Variants in PARP14 observed in about 807,000 individuals in gnomAD.
PARP14 encodes poly(ADP-ribose) polymerase family member 14.
A neutral mutation model predicts 154.2 loss-of-function variants in PARP14; 59 were observed. That is an observed-to-expected ratio of 0.38 (90% CI 0.31 to 0.48). The LOEUF is 0.48. PARP14 is among the 20% of genes least tolerant of loss of function. PARP14 has a pLI of 0.98. For synonymous variants in PARP14, 720 were observed against 780.5 expected (o/e 0.92, Z 1.29); for missense variants, 1,734 against 2,131.6 (o/e 0.81, Z 3.67).
chr3:122,709,899 T>TG (rs1560072561), intron 9 of PARP14, among the ~76,000 whole-genome samples: 6 of 149,538 alleles, frequency 4.0e-5, no homozygotes, highest in African/African-American at 9.8e-5. Flanking sequence ...TTTGTTTTTT[T>TG]TTTTGTTTGT....
intron 15 of PARP14, chr3:122,720,763 A>G: frequency 2.2e-6 from 1 of 459,746 alleles, no homozygotes; most frequent in Non-Finnish European, 4.4e-6. Context: ...TTATTCACAG[A>G]TCAACAGTGC....
At chr3:122,683,269 C>T in intron 1 of PARP14, 1 of 983,592 alleles carries the variant, frequency 1.0e-6, no homozygotes, top group South Asian at 4.7e-5. Flanking sequence ...GCAGAGGACA[C>T]TCTCCACCCT....
intron 4 of PARP14, among the ~76,000 whole-genome samples, chr3:122,695,064 C>CACCT (rs1938728864): frequency 1.3e-5 from 2 of 152,220 alleles, no homozygotes; most frequent in African/African-American, 4.8e-5. Flanking sequence ...GGGCATTGTA[C>CACCT]ACCTGGCTGA....
chr3:122,688,174 G>A (rs964620055), intron 3 of PARP14, among the ~76,000 whole-genome samples: 4 of 152,014 alleles, frequency 2.6e-5, no homozygotes, highest in African/African-American at 9.7e-5. Context: ...TTGTCGTTGG[G>A]ATCTCCTAAA....
chr3:122,724,145 G>C (rs1933225550), intron 15 of PARP14, among the ~76,000 whole-genome samples: 1 of 152,090 alleles, frequency 6.6e-6, no homozygotes, highest in South Asian at 2.1e-4. Flanking sequence ...CCTGGAATCA[G>C]ACATTTTTCT....
At chr3:122,696,059 C>T (rs1458231454) in intron 5 of PARP14, among the ~76,000 whole-genome samples, 2 of 152,170 alleles carry the variant, frequency 1.3e-5, no homozygotes, top group Non-Finnish European at 2.9e-5. Flanking sequence ...CTATAAAGTA[C>T]CACTCCTTTC....
intron 5 of PARP14, 89 bp from the exon 6 acceptor site, chr3:122,699,301 T>C (rs1253579052): frequency 7.3e-6 from 5 of 685,712 alleles, no homozygotes; most frequent in African/African-American, 1.8e-5. Context: ...CATTAGATTT[T>C]TTTTTCTCTA....
At chr3:122,693,472 A>T (rs929424257) in intron 4 of PARP14, among the ~76,000 whole-genome samples, 2 of 152,194 alleles carry the variant, frequency 1.3e-5, no homozygotes, top group Non-Finnish European at 2.9e-5. Context: ...CACTTTCCTC[A>T]TCTATAAAAT....
intron 10 of PARP14, 109 bp from the exon 11 acceptor site, chr3:122,713,763 T>C: frequency 1.1e-6 from 1 of 914,284 alleles, no homozygotes; most frequent in East Asian, 2.4e-5. Flanking sequence ...AATACCCAAT[T>C]AGAGGATTCC....
At position 122,681,155 on chromosome 3, in the gene PARP14, G is replaced by C; in HGVS notation, c.187+85G>C. ...GGCGGCAGGGCACGCACGGGAGGGT[G>C]ACCCGCCCGACTTCGGCGGCTGCTG... On this transcript the variant is annotated intron_variant, in intron 1 of 16. Coordinates refer to ENST00000474629, the MANE Select transcript of PARP14 (RefSeq NM_017554.3). This position sits in a 1 kb window ranked among gnomAD's most constrained non-coding sequence, Gnocchi z 5.5. 1 of 662,660 alleles carries C rather than the reference G, an allele frequency of 1.5e-6. No homozygotes were observed. The highest frequency in any genetic ancestry group is 2.2e-6 in the Non-Finnish European group (1 of 446,240). The allele number at this position is 662,660 out of a possible 1,614,324, so 41.0% of individuals were successfully genotyped here.
intron 9 of PARP14, among the ~76,000 whole-genome samples, chr3:122,711,724 G>T (rs1321597085): frequency 6.6e-6 from 1 of 151,982 alleles, no homozygotes; most frequent in Non-Finnish European, 1.5e-5. Context: ...CTTTTTTGTT[G>T]TTGGCAATTT....
chr3:122,714,466 C>T lies in PARP14; in HGVS notation c.4000+37C>T, dbSNP rs769476576. On this transcript the variant is annotated intron_variant, in intron 12 of 16. Coordinates refer to ENST00000474629, the MANE Select transcript of PARP14 (RefSeq NM_017554.3). ...CTGGCTGTCAAGGCTAAATCCCAAG[C>T]CATCTACTTTCCCTTTCATTTGGAG... 5 of 1,486,822 alleles carry T rather than the reference C, an allele frequency of 3.4e-6. No homozygotes were observed. The South Asian group carries it at 5.5e-5, about 16-fold the overall frequency. 92.1% of individuals were successfully genotyped at this position (1,486,822 alleles called of 1,614,324 possible).
At chr3:122,708,367 A>G (rs6796286) in intron 9 of PARP14, 99 bp downstream of exon 9, 65,633 of 659,896 alleles carry the variant, frequency 0.099, 3,696 homozygotes, top group East Asian at 0.14. Context: ...TGAAAAAAAA[A>G]TCAATGAGTG....
Position 122,718,721 on chromosome 3 carries a change from C to G in PARP14, c.4570C>G (p.Gln1524Glu). 1.2e-6 allele frequency: 2 copies of G among 1,613,340 alleles called. No homozygotes were observed. The highest frequency in any genetic ancestry group is 1.7e-6 in the Non-Finnish European group (2 of 1,179,556). Residue 1524 changes from glutamine (Q) to glutamate (E), a missense_variant, in exon 14 of 17, where the codon CAG becomes GAG. By Grantham distance (29) the Gln-to-Glu change is conservative. This residue lies in a region of PARP14 where 1,646 missense variants were observed against 1,976.0 expected (regional missense o/e 0.83). Transcript: ENST00000474629. ...CAAGAGAGTTCGATTGGCCAAAGAA[C>G]AGGAATCCCGGGCAGATTGTATCAG... ...MIKRVRLAKEQESRADCISEF... is the reference protein window; with the variant it reads ...MIKRVRLAKEEESRADCISEF...
chr3:122,696,458 G>A (rs1272726297), intron 5 of PARP14, among the ~76,000 whole-genome samples: 1 of 152,142 alleles, frequency 6.6e-6, no homozygotes, highest in Non-Finnish European at 1.5e-5. Flanking sequence ...CATGTGTTGG[G>A]AAAACTGGAT....
In PARP14 at chr3:122,681,068, A is replaced by C. The variant is rs200673187; in HGVS notation, c.185A>C (p.Asp62Ala). 5,831 of 1,609,316 alleles carry C rather than the reference A, an allele frequency of 3.6e-3. 12 individuals carry two copies. Among genetic ancestry groups the C allele is most frequent in the Non-Finnish European group, 4.7e-3 (5,583 of 1,176,310 alleles). ...TTCCTGGTGTTCTTCTACCCGGAGGACGGTGAGGGGCGCGAGGGGTGGGGT... is the reference window on the plus strand; with the variant it reads ...TTCCTGGTGTTCTTCTACCCGGAGGCCGGTGAGGGGCGCGAGGGGTGGGGT... ...SRFLVFFYPE[D>A]VRQKVLERKN... The change falls in exon 1 of 17, where the codon GAC becomes GCC. Residue 62 changes from aspartate (D) to alanine (A), a missense_variant and splice_region_variant. Asp to Ala is a moderately radical substitution (Grantham distance 126). Transcript: ENST00000474629. The surrounding 1 kb of genome is among the most constrained non-coding windows in gnomAD (Gnocchi z 5.5).
chr3:122,716,642 C>A (rs959002426), intron 12 of PARP14, among the ~76,000 whole-genome samples: 9 of 152,050 alleles, frequency 5.9e-5, no homozygotes. Context: ...TCCAAAATAG[C>A]TCCTCAATCC....
rs901030923 is a variant in PARP14, at chr3:122,700,664, G to A, written c.2110G>A (p.Val704Ile). 3.1e-6 allele frequency: 5 copies of A among 1,608,262 alleles called. No individual in the cohort carries two copies. The African/African-American group carries it at 4.0e-5, about 13-fold the overall frequency. ...AAAGATAAAGAAGGTAAATGTGCAG[G>A]TAAGTTTCAATCCTGAGAACAAACA... is the stretch of plus-strand genomic sequence containing the variant. ...WPKIKKVNVQ[V>I]SFNPENKQKG... Residue 704 changes from valine to isoleucine, a missense_variant, in exon 6 of 17, where the codon GTA (valine) becomes ATA (isoleucine). By Grantham distance (29) the Val-to-Ile change is conservative. Coordinates refer to ENST00000474629, the MANE Select transcript of PARP14 (RefSeq NM_017554.3).
intron 8 of PARP14, among the ~76,000 whole-genome samples, chr3:122,705,855 G>A (rs1252650053): frequency 6.6e-6 from 1 of 152,144 alleles, no homozygotes; most frequent in Non-Finnish European, 1.5e-5. Context: ...AAAATATGTG[G>A]TCCATTTACT....
Sources: gnomAD v4.1 joint callset for allele counts (sites outside exome capture counted in the v4.1 genomes callset) on GRCh38, gnomAD v4.1.1 for gene constraint, gnomAD v4.1.1 regional missense constraint, Gnocchi (gnomAD v3.1) non-coding constraint, MANE v1.5 for transcripts, NCBI Gene and HGNC (gene_info 2026-07-23, HGNC 2026-07-21) for gene names.